The following ASTN2 variants were observed in gnomAD, a reference collection of about 807,000 sequenced individuals.
ASTN2 encodes astrotactin 2.
In ASTN2, 54 loss-of-function variants were observed where a neutral mutation model predicts 139.8. The observed-to-expected ratio is 0.39, with a 90% CI of 0.31 to 0.48. The LOEUF (loss-of-function observed/expected upper bound fraction) is 0.48. Among genes scored for constraint, ASTN2 ranks in the 20% least tolerant of loss-of-function variants. The probability of loss-of-function intolerance (pLI) is 0.95; values close to 1 mark genes in which losing one functional copy is unlikely to be tolerated. For missense variants in ASTN2, 1,565 were observed against 1,725.1 expected (o/e 0.91, Z 1.64); for synonymous variants, 756 against 719.5 (o/e 1.05, Z -0.81).
chr9:117,214,322 C>T (rs200030532), intron 3 of ASTN2, 36 bp downstream of exon 3: 432 of 1,532,774 alleles, frequency 2.8e-4, no homozygotes, highest in Non-Finnish European at 3.5e-4. Flanking sequence ...TTTCAAAATG[C>T]CCCCTGGAAA....
At chr9:117,144,660 G>GTTTTTTTTTTT (rs71379267) in intron 3 of ASTN2, among the ~76,000 whole-genome samples, 6 of 78,350 alleles carry the variant, frequency 7.7e-5, no homozygotes, top group African/African-American at 3.6e-4. Context: ...GTGAACACTA[G>GTTTTTTTTTTT]TTTTTTTTTT....
chr9:116,954,235 A>G (rs182780761), intron 10 of ASTN2, among the ~76,000 whole-genome samples: 31 of 152,320 alleles, frequency 2.0e-4, no homozygotes, highest in African/African-American at 6.3e-4. Context: ...CCAGGCCACA[A>G]TGTTAGTGAA....
chr9:116,903,404 A>G (rs145867328), intron 10 of ASTN2, among the ~76,000 whole-genome samples: 174 of 152,278 alleles, frequency 1.1e-3, no homozygotes, highest in African/African-American at 3.7e-3. Flanking sequence ...TTTGCGACCA[A>G]TTGGATTTTC....
At chr9:117,160,451 C>CAAT (rs2132900056) in intron 3 of ASTN2, among the ~76,000 whole-genome samples, 1 of 48,010 alleles carries the variant, frequency 2.1e-5, no homozygotes, top group Non-Finnish European at 4.9e-5. Flanking sequence ...AACACAGGAC[C>CAAT]CATCTCCCTA....
At chr9:116,908,935 C>G (rs953897934) in intron 10 of ASTN2, among the ~76,000 whole-genome samples, 2 of 152,028 alleles carry the variant, frequency 1.3e-5, no homozygotes, top group African/African-American at 4.8e-5. Flanking sequence ...AGGCAAAGGC[C>G]CTGAAGCAAA....
At chr9:117,070,028 A>T (rs1051187311) in intron 5 of ASTN2, among the ~76,000 whole-genome samples, 1 of 150,302 alleles carries the variant, frequency 6.7e-6, no homozygotes, top group Non-Finnish European at 1.5e-5. Context: ...TAATATTGTT[A>T]TGTGTGAGTT....
At chr9:116,933,293 G>T (rs2132454821) in intron 10 of ASTN2, among the ~76,000 whole-genome samples, 1 of 152,202 alleles carries the variant, frequency 6.6e-6, no homozygotes, top group South Asian at 2.1e-4. Flanking sequence ...ATACCTCCCA[G>T]TCAATGCTGT....
intron 5 of ASTN2, among the ~76,000 whole-genome samples, chr9:117,091,728 G>T (rs1828712309): frequency 6.6e-6 from 1 of 152,084 alleles, no homozygotes; most frequent in Admixed American, 6.6e-5. Context: ...CCTGGGGAGA[G>T]AGTCAGGGCA....
At chr9:116,466,253 C>T (rs897962121) in intron 20 of ASTN2, among the ~76,000 whole-genome samples, 4 of 152,100 alleles carry the variant, frequency 2.6e-5, no homozygotes, top group Non-Finnish European at 5.9e-5. Context: ...AAAACTGTTC[C>T]CCCTCTTGCA....
intron 11 of ASTN2, among the ~76,000 whole-genome samples, chr9:116,850,970 C>T (rs939365664): frequency 6.6e-6 from 1 of 152,186 alleles, no homozygotes; most frequent in Non-Finnish European, 1.5e-5. Flanking sequence ...TGTAAATAGA[C>T]TATGGACTCT....
At position 117,315,596 on chromosome 9, in the gene ASTN2, T is replaced by A. The variant is rs1457532228; in HGVS notation, c.443-24083A>T. On this transcript the variant is annotated intron_variant, in intron 1 of 22. Coordinates refer to ENST00000313400, the MANE Select transcript of ASTN2 (RefSeq NM_001365068.1). ...GCTGTGATGTATGCATATTCTGACA[T>A]ACAGCAGTTCTCAGTAAATGCTCAT... Among the ~76,000 whole-genome samples the A allele has an allele frequency of 2.0e-5, 3 of 152,242 alleles. No individual in the cohort carries two copies. The South Asian group carries it at 6.2e-4, about 32-fold the overall frequency.
In ASTN2 at chr9:116,949,283, T is replaced by C. The variant is rs571056719; in HGVS notation, c.1889+25925A>G. Among the ~76,000 whole-genome samples, 94 of 152,310 alleles carry C rather than the reference T, an allele frequency of 6.2e-4. 2 individuals are homozygous for C. The South Asian group carries it at 0.013, about 20-fold the overall frequency. On this transcript the variant is annotated intron_variant, in intron 10 of 22. Coordinates refer to ENST00000313400, the MANE Select transcript of ASTN2 (RefSeq NM_001365068.1). ...AGCTCTAGTATGTAGCACCTGTTTA[T>C]GATATGTCAGTCCCAGTGCTAGAAT...
intron 19 of ASTN2, among the ~76,000 whole-genome samples, chr9:116,593,103 G>C (rs1854438589): frequency 6.6e-6 from 1 of 152,212 alleles, no homozygotes; most frequent in African/African-American, 2.4e-5. Flanking sequence ...CTTGAGTGAA[G>C]GAACAAAAGA....
chr9:116,650,791 T>C (rs972199873), intron 17 of ASTN2, among the ~76,000 whole-genome samples: 2 of 152,160 alleles, frequency 1.3e-5, no homozygotes, highest in African/African-American at 2.4e-5. Flanking sequence ...AAAATGACAT[T>C]TGCCACTTTC....
chr9:116,842,405 G>A (rs1832288390), intron 11 of ASTN2, among the ~76,000 whole-genome samples: 1 of 152,138 alleles, frequency 6.6e-6, no homozygotes, highest in South Asian at 2.1e-4. Context: ...AGATCACACA[G>A]GCTGAAGAAG....
At chr9:117,167,737 A>G (rs1408422517) in intron 3 of ASTN2, among the ~76,000 whole-genome samples, 1 of 152,154 alleles carries the variant, frequency 6.6e-6, no homozygotes, top group Non-Finnish European at 1.5e-5. Context: ...AACTTATGTT[A>G]CAGAAGTAGA....
chr9:116,993,878 T>TATATA (rs1836935624), intron 7 of ASTN2, among the ~76,000 whole-genome samples: 3 of 61,288 alleles, frequency 4.9e-5, no homozygotes, highest in African/African-American at 8.4e-5. Context: ...ATATATATAT[T>TATATA]TTAACTATAT....
At chr9:116,736,321 C>T (rs535669640) in intron 13 of ASTN2, among the ~76,000 whole-genome samples, 6 of 152,332 alleles carry the variant, frequency 3.9e-5, no homozygotes, top group Admixed American at 3.9e-4. Flanking sequence ...TAAGCATTCA[C>T]TCAGAAAGTT....
intron 10 of ASTN2, among the ~76,000 whole-genome samples, chr9:116,892,069 C>T (rs1163129036): frequency 6.6e-6 from 1 of 152,154 alleles, no homozygotes; most frequent in African/African-American, 2.4e-5. Flanking sequence ...TGCCTGAATA[C>T]ATAAACTTTG....
Sources: allele counts gnomAD v4.1 joint callset (sites outside exome capture counted in the v4.1 genomes callset), GRCh38; gene constraint gnomAD v4.1.1; transcripts MANE v1.5; gene names NCBI Gene and HGNC (gene_info 2026-07-23, HGNC 2026-07-21).